The following SLC12A7 variants were observed in gnomAD, a reference collection of about 807,000 sequenced individuals.
SLC12A7 encodes solute carrier family 12 member 7, also known as K-Cl cotransporter 4.
In SLC12A7, 100 loss-of-function variants were observed where a neutral mutation model predicts 120.6. The ratio of observed to expected loss-of-function variants is 0.83; its 90% CI spans 0.71 to 0.98. The LOEUF is 0.98. Among genes scored for constraint, SLC12A7 ranks in the 50% least tolerant of loss-of-function variants. SLC12A7 has a pLI of 0.00. For missense variants in SLC12A7, 1,373 were observed against 1,548.1 expected, an observed-to-expected ratio of 0.89 and a Z score of 1.90; for synonymous variants, 760 against 678.0, an observed-to-expected ratio of 1.12 and a Z score of -1.88.
intron 17 of SLC12A7, among the ~76,000 whole-genome samples, chr5:1,066,371 G>A (rs1447479464): frequency 1.3e-5 from 2 of 152,236 alleles, no homozygotes; most frequent in African/African-American, 4.8e-5. Context: ...AGATTTGGGA[G>A]CTCCGAGCAA....
upstream of SLC12A7, among the ~76,000 whole-genome samples, chr5:1,115,963 C>A (rs1386248339): frequency 1.3e-5 from 2 of 148,714 alleles, no homozygotes; most frequent in Non-Finnish European, 2.9e-5. Context: ...TGGTGAGCCT[C>A]TCCTGGCAGG....
At chr5:1,140,229 C>G in the SLC12A7 span, among the ~76,000 whole-genome samples, 35 of 152,348 alleles carry the variant, frequency 2.3e-4, no homozygotes, top group African/African-American at 8.2e-4. Flanking sequence ...AGCAGGGCCC[C>G]ATGGGAACCC....
intron 22 of SLC12A7, among the ~76,000 whole-genome samples, chr5:1,054,764 C>T (rs779407481): frequency 2.0e-5 from 3 of 152,242 alleles, no homozygotes; most frequent in Non-Finnish European, 2.9e-5. Flanking sequence ...GCCACATAAA[C>T]GTGATCATAA....
the SLC12A7 span, among the ~76,000 whole-genome samples, chr5:1,128,533 TAGGG>T: frequency 6.6e-6 from 1 of 152,168 alleles, no homozygotes; most frequent in Non-Finnish European, 1.5e-5. Context: ...CATCTTCTCA[TAGGG>T]AGGAAAAGTG....
At chr5:1,131,589 C>T in the SLC12A7 span, among the ~76,000 whole-genome samples, 1 of 152,204 alleles carries the variant, frequency 6.6e-6, no homozygotes, top group South Asian at 2.1e-4. Flanking sequence ...GTGTTGGGGG[C>T]CTCACCTGAC....
chr5:1,136,463 C>T, the SLC12A7 span, among the ~76,000 whole-genome samples: 1 of 128,882 alleles, frequency 7.8e-6, no homozygotes, highest in Middle Eastern at 3.9e-3. Flanking sequence ...CGCAGGCACA[C>T]GTGTGCTCAG....
At chr5:1,096,562 C>T (rs565716624) in intron 1 of SLC12A7, among the ~76,000 whole-genome samples, 14 of 150,890 alleles carry the variant, frequency 9.3e-5, no homozygotes, top group Middle Eastern at 3.4e-3. Context: ...CTGGACACAA[C>T]GGCCAACTGT....
At chr5:1,057,434 G>C (rs1031334785) in intron 22 of SLC12A7, 37 bp downstream of exon 22, 1 of 1,574,298 alleles carries the variant, frequency 6.4e-7, no homozygotes, top group Non-Finnish European at 8.6e-7. Context: ...GCACTGCCAG[G>C]ATCTGTTCCC....
intron 22 of SLC12A7, among the ~76,000 whole-genome samples, chr5:1,054,458 C>T (rs1735395426): frequency 6.6e-6 from 1 of 152,256 alleles, no homozygotes; most frequent in South Asian, 2.1e-4. Context: ...CTAGGCAGGC[C>T]CCTAAACTGC....
intron 21 of SLC12A7, among the ~76,000 whole-genome samples, chr5:1,058,070 C>A (rs896289400): frequency 6.6e-6 from 1 of 152,232 alleles, no homozygotes; most frequent in Non-Finnish European, 1.5e-5. Context: ...AGCATCCAGG[C>A]CCTGTCCCCG....
rs759390471 is a variant in SLC12A7, at chr5:1,111,997, C to A, written c.-6G>T. 2.4e-6 allele frequency: 3 copies of A among 1,271,032 alleles called. No individual in the cohort carries two copies. In the South Asian group the frequency reaches 9.6e-5, roughly 41 times the overall value. 78.7% of individuals were successfully genotyped at this position (1,271,032 alleles called of 1,614,324 possible). On this transcript the variant is annotated 5_prime_UTR_variant, in exon 1 of 24. Transcript: ENST00000264930. Reference sequence around the variant, plus strand: ...ACGGTGAAGTTGGTGGGCATGGCCGCCTGCAGCCGACAGTCCCCGTCCCGG... The same window carrying A: ...ACGGTGAAGTTGGTGGGCATGGCCGACTGCAGCCGACAGTCCCCGTCCCGG...
chr5:1,124,043 G>A, the SLC12A7 span, among the ~76,000 whole-genome samples: 1 of 152,168 alleles, frequency 6.6e-6, no homozygotes, highest in African/African-American at 2.4e-5. Context: ...TTCTCAGGGT[G>A]ATAAGTTAAA....
intron 17 of SLC12A7, among the ~76,000 whole-genome samples, chr5:1,067,710 C>T (rs1183954194): frequency 6.6e-6 from 1 of 152,234 alleles, no homozygotes; most frequent in Non-Finnish European, 1.5e-5. Context: ...CTCTTCTGGC[C>T]TCACTGTTGG....
chr5:1,102,465 AAGGGCTCT>A (rs1742113081), intron 1 of SLC12A7, among the ~76,000 whole-genome samples: 1 of 152,168 alleles, frequency 6.6e-6, no homozygotes, highest in East Asian at 1.9e-4. Context: ...ATTCTCCGCA[AAGGGCTCT>A]AGGAACGTCC....
At chr5:1,131,022 G>A in the SLC12A7 span, among the ~76,000 whole-genome samples, 1 of 152,178 alleles carries the variant, frequency 6.6e-6, no homozygotes, top group Non-Finnish European at 1.5e-5. Flanking sequence ...AACAGGGAGG[G>A]GGTGGTGTTT....
At position 1,081,025 on chromosome 5, in the gene SLC12A7, G is replaced by C. The variant is rs574600311; in HGVS notation, c.1297+552C>G. On this transcript the variant is annotated intron_variant, in intron 9 of 23. Transcript: ENST00000264930. ...AGAGAGAGACAGACAGACAGACAGA[G>C]AGAGAGAGAGGGAGGGAGGGAAGAA... Among the ~76,000 whole-genome samples, 1,459 of 148,974 alleles carry C rather than the reference G, an allele frequency of 9.8e-3. 20 individuals carry two copies. Among genetic ancestry groups the C allele is most frequent in the African/African-American group, 0.034 (1,359 of 39,532 alleles).
chr5:1,084,262 GT>G (rs1739561216), intron 7 of SLC12A7, among the ~76,000 whole-genome samples: 1 of 152,092 alleles, frequency 6.6e-6, no homozygotes, highest in Non-Finnish European at 1.5e-5. Flanking sequence ...TCGGCCACCC[GT>G]GGTCCAAACG....
chr5:1,130,916 T>C, the SLC12A7 span, among the ~76,000 whole-genome samples: 2 of 151,966 alleles, frequency 1.3e-5, no homozygotes, highest in Non-Finnish European at 2.9e-5. Context: ...GGGGACAACA[T>C]TGGAGTAGCA....
intron 12 of SLC12A7, 92 bp from the exon 13 acceptor site, chr5:1,076,904 T>A: frequency 1.2e-6 from 1 of 869,514 alleles, no homozygotes; most frequent in Non-Finnish European, 1.9e-6. Flanking sequence ...AGATGAATCT[T>A]AAAGACACAG....
Sources: gnomAD v4.1 joint callset for allele counts (sites outside exome capture counted in the v4.1 genomes callset) on GRCh38, gnomAD v4.1.1 for gene constraint, MANE v1.5 for transcripts, NCBI Gene and HGNC (gene_info 2026-07-23, HGNC 2026-07-21) for gene names.